The following CREB3L2 variants were observed in gnomAD, a reference collection of about 807,000 sequenced individuals.
The protein encoded by CREB3L2 is cyclic AMP-responsive element-binding protein 3-like protein 2.
Under a neutral mutation model 57.2 loss-of-function variants are expected in CREB3L2, and 23 were observed. The observed-to-expected ratio is 0.40, with a 90% CI of 0.29 to 0.57. CREB3L2 has a LOEUF of 0.57. CREB3L2 is among the 20% of genes least tolerant of loss of function. The pLI, the probability that CREB3L2 is intolerant of heterozygous loss-of-function variation, is 0.42. For missense variants in CREB3L2, 628 were observed against 634.7 expected (o/e 0.99, Z 0.11); for synonymous variants, 268 against 265.1 (o/e 1.01, Z -0.11).
chr7:137,969,203 T>C (rs1801458279), intron 1 of CREB3L2, among the ~76,000 whole-genome samples: 1 of 152,182 alleles, frequency 6.6e-6, no homozygotes, highest in Admixed American at 6.5e-5. Context: ...AAAAGCTAAG[T>C]TTCCTTTTTG....
intron 1 of CREB3L2, among the ~76,000 whole-genome samples, chr7:137,984,242 G>T (rs528609755): frequency 4.6e-5 from 7 of 152,174 alleles, no homozygotes; most frequent in Non-Finnish European, 8.8e-5. Context: ...CTTACTATCA[G>T]ACACCAATTT....
intron 1 of CREB3L2, among the ~76,000 whole-genome samples, chr7:137,932,611 C>G (rs1800675712): frequency 6.6e-6 from 1 of 151,982 alleles, no homozygotes; most frequent in African/African-American, 2.4e-5. Flanking sequence ...AAAACTCACA[C>G]CACCAGTCCT....
chr7:137,967,876 T>G (rs1871214), intron 1 of CREB3L2, among the ~76,000 whole-genome samples: 16,707 of 152,220 alleles, frequency 0.11, 2,193 homozygotes, highest in African/African-American at 0.32. Context: ...TGGGACACCA[T>G]GTAAATACCT....
intron 10 of CREB3L2, 106 bp from the exon 11 acceptor site, chr7:137,882,734 T>C (rs1472668286): frequency 2.7e-6 from 2 of 738,836 alleles, no homozygotes; most frequent in Non-Finnish European, 4.2e-6. Context: ...AATGTGTGTG[T>C]TCTCGTTGCC....
At chr7:137,970,763 G>A (rs531927221) in intron 1 of CREB3L2, among the ~76,000 whole-genome samples, 1 of 152,332 alleles carries the variant, frequency 6.6e-6, no homozygotes, top group South Asian at 2.1e-4. Flanking sequence ...ATTCCATAGG[G>A]CTGGACAGCA....
chr7:137,973,459 G>C (rs546169578), intron 1 of CREB3L2, among the ~76,000 whole-genome samples: 2 of 152,288 alleles, frequency 1.3e-5, no homozygotes, highest in East Asian at 3.9e-4. Flanking sequence ...CATGACCCTC[G>C]GGAGCTAGAG....
rs1353819821 is a variant in CREB3L2 at position 137,894,466 on chromosome 7, C to T, written c.1043+6888G>A. 2.6e-5 allele frequency among the ~76,000 whole-genome samples: 4 copies of T among 152,122 alleles called. No homozygotes were observed. In the South Asian group the frequency reaches 8.3e-4, roughly 32 times the overall value. On this transcript the variant is annotated intron_variant, in intron 8 of 11. Coordinates refer to ENST00000330387, the MANE Select transcript of CREB3L2 (RefSeq NM_194071.4). ...TGTCGTGCACACACCAGGCCTGGTT[C>T]AAACTCCATATGCAGCCCTCACAAA...
At chr7:137,923,247 C>T (rs1033588507) in intron 2 of CREB3L2, among the ~76,000 whole-genome samples, 40 of 152,002 alleles carry the variant, frequency 2.6e-4, no homozygotes, top group Admixed American at 2.6e-4. Context: ...GCAATGGCTA[C>T]GCAGAGAAGT....
chr7:137,933,390 T>C (rs1800700602), intron 1 of CREB3L2, among the ~76,000 whole-genome samples: 1 of 152,182 alleles, frequency 6.6e-6, no homozygotes, highest in African/African-American at 2.4e-5. Context: ...CCTATGGAAG[T>C]TGCCCAGGTT....
intron 2 of CREB3L2, among the ~76,000 whole-genome samples, chr7:137,920,642 A>G (rs1486694638): frequency 1.3e-5 from 2 of 152,234 alleles, no homozygotes; most frequent in African/African-American, 4.8e-5. Context: ...TGAAATGACT[A>G]CATTCATTTC....
At chr7:137,948,267 G>A (rs549389662) in intron 1 of CREB3L2, among the ~76,000 whole-genome samples, 2 of 152,296 alleles carry the variant, frequency 1.3e-5, no homozygotes, top group African/African-American at 2.4e-5. Context: ...AGCCTACTAG[G>A]ACTACCTAAA....
At chr7:137,896,149 G>A (rs1263499652) in intron 8 of CREB3L2, among the ~76,000 whole-genome samples, 2 of 152,202 alleles carry the variant, frequency 1.3e-5, no homozygotes, top group Admixed American at 1.3e-4. Flanking sequence ...GGTTACTGTG[G>A]TATTCTCTGA....
At chr7:137,916,067 G>T (rs924018323) in intron 2 of CREB3L2, 55 bp from the exon 3 acceptor site, 4 of 1,440,584 alleles carry the variant, frequency 2.8e-6, no homozygotes, top group Admixed American at 4.4e-5. Context: ...TCAGGCATAA[G>T]CAAAACAAGC....
intron 2 of CREB3L2, among the ~76,000 whole-genome samples, chr7:137,926,599 G>T (rs995574582): frequency 4.0e-5 from 6 of 151,810 alleles, no homozygotes; most frequent in African/African-American, 1.5e-4. Flanking sequence ...GCAAGGGGAG[G>T]GACAGCATTA....
At chr7:137,953,464 G>C in intron 1 of CREB3L2, 1 of 1,288,960 alleles carries the variant, frequency 7.8e-7, no homozygotes, top group South Asian at 1.2e-5. Flanking sequence ...GTTGGTGTAT[G>C]TTAAATGTTC....
intron 3 of CREB3L2, among the ~76,000 whole-genome samples, chr7:137,913,343 A>C (rs1038458916): frequency 5.9e-5 from 9 of 152,006 alleles, no homozygotes; most frequent in African/African-American, 1.4e-4. Context: ...ACGTCTCCCC[A>C]AAAAAATACA....
At chr7:137,935,764 A>G (rs910429272) in intron 1 of CREB3L2, 2 of 151,936 alleles carry the variant, frequency 1.3e-5, no homozygotes, top group Non-Finnish European at 2.9e-5. Flanking sequence ...CAACAGTTAT[A>G]AATAAGTGCC....
At chr7:137,903,930 T>C (rs369286623) in intron 7 of CREB3L2, 29 bp downstream of exon 7, 3 of 1,593,886 alleles carry the variant, frequency 1.9e-6, no homozygotes, top group South Asian at 1.1e-5. Flanking sequence ...TACTGCCCGA[T>C]GAACGCAACA....
Position 137,945,744 on chromosome 7 carries a change from C to T in CREB3L2, c.103-17378G>A, listed in dbSNP as rs367739194. On this transcript the variant is annotated intron_variant, in intron 1 of 11. Coordinates refer to ENST00000330387, the MANE Select transcript of CREB3L2 (RefSeq NM_194071.4). ...GTATGGTTACCTACAGGTGAACACG[C>T]AGGTTTTGTATTAGAACCTCAAATG... is the stretch of plus-strand genomic sequence containing the variant. Among the ~76,000 whole-genome samples, 4 of 152,312 alleles carry T rather than the reference C, an allele frequency of 2.6e-5. No homozygotes were observed. In the South Asian group the frequency reaches 8.3e-4, roughly 32 times the overall value.
Sources: gnomAD v4.1 joint callset for allele counts (sites outside exome capture counted in the v4.1 genomes callset) on GRCh38, gnomAD v4.1.1 for gene constraint, MANE v1.5 for transcripts, NCBI Gene and HGNC (gene_info 2026-07-23, HGNC 2026-07-21) for gene names.